The following AGBL4 variants were observed in gnomAD, a reference collection of about 807,000 sequenced individuals.
AGBL4 encodes cytosolic carboxypeptidase 6.
A neutral mutation model predicts 66.4 loss-of-function variants in AGBL4; 58 were observed. That is an observed-to-expected ratio of 0.87 (90% CI 0.71 to 1.09). The LOEUF (loss-of-function observed/expected upper bound fraction) is 1.09, where lower values mean the gene tolerates loss of function less well. Among genes scored for constraint, AGBL4 ranks in the 50% least tolerant of loss-of-function variants. The pLI, the probability that AGBL4 is intolerant of heterozygous loss-of-function variation, is 0.00. For synonymous variants in AGBL4, 234 were observed against 222.9 expected (o/e 1.05, Z -0.44); for missense variants, 579 against 631.0 (o/e 0.92, Z 0.88).
intron 3 of AGBL4, among the ~76,000 whole-genome samples, chr1:49,276,119 T>TAC (rs1644162502): frequency 6.6e-6 from 1 of 151,402 alleles, no homozygotes; most frequent in African/African-American, 2.4e-5. Context: ...TATACATATA[T>TAC]ATACACACAC....
chr1:49,819,395 G>A lies in AGBL4; in HGVS notation c.157+32001C>T, dbSNP rs115805837. 2.9e-3 allele frequency among the ~76,000 whole-genome samples: 434 copies of A among 152,074 alleles called. 3 individuals are homozygous for A. The highest frequency in any genetic ancestry group is 3.1e-3 in the Admixed American group (47 of 15,260). ...TATTAGCAACTTACAGAACAGTTACGCTATCTTCTATTAATTGTGTGAAAC... is the reference window on the plus strand; with the variant it reads ...TATTAGCAACTTACAGAACAGTTACACTATCTTCTATTAATTGTGTGAAAC... On this transcript the variant is annotated intron_variant, in intron 2 of 13. Coordinates refer to ENST00000371839, the MANE Select transcript of AGBL4 (RefSeq NM_032785.4).
chr1:48,600,531 A>G (rs537084020), intron 9 of AGBL4, among the ~76,000 whole-genome samples: 4 of 152,344 alleles, frequency 2.6e-5, no homozygotes, highest in Admixed American at 2.0e-4. Flanking sequence ...ACATGACACC[A>G]TAAAAGCTGT....
chr1:49,746,346 A>G (rs1650985312), intron 2 of AGBL4, among the ~76,000 whole-genome samples: 2 of 152,048 alleles, frequency 1.3e-5, no homozygotes, highest in African/African-American at 2.4e-5. Context: ...AATGATAACC[A>G]TCATATTCAT....
intron 4 of AGBL4, among the ~76,000 whole-genome samples, chr1:49,150,150 A>G (rs1418111864): frequency 1.3e-5 from 2 of 152,146 alleles, no homozygotes; most frequent in Non-Finnish European, 1.5e-5. Context: ...GGCCTTGGTG[A>G]GATCAGTGTA....
At chr1:49,828,531 T>C (rs367862130) in intron 2 of AGBL4, among the ~76,000 whole-genome samples, 1 of 152,198 alleles carries the variant, frequency 6.6e-6, no homozygotes, top group Non-Finnish European at 1.5e-5. Context: ...AAAGTCACTA[T>C]GGCTACAGCA....
chr1:49,125,703 A>C (rs921881342), intron 4 of AGBL4, among the ~76,000 whole-genome samples: 1 of 152,202 alleles, frequency 6.6e-6, no homozygotes, highest in Non-Finnish European at 1.5e-5. Flanking sequence ...TGTTCCTCAC[A>C]GTGATGCAAG....
At chr1:49,861,528 AT>A (rs1646572861) in intron 1 of AGBL4, among the ~76,000 whole-genome samples, 1 of 152,194 alleles carries the variant, frequency 6.6e-6, no homozygotes, top group Admixed American at 6.5e-5. Flanking sequence ...ACACCCTGGG[AT>A]TTTGTAGAGG....
chr1:49,601,185 G>A (rs551914866), intron 3 of AGBL4, among the ~76,000 whole-genome samples: 1 of 152,048 alleles, frequency 6.6e-6, no homozygotes, highest in South Asian at 2.1e-4. Flanking sequence ...GTCTTGCTAG[G>A]TTGGGATATT....
chr1:49,689,959 G>A (rs1369483606), intron 3 of AGBL4, among the ~76,000 whole-genome samples: 1 of 152,094 alleles, frequency 6.6e-6, no homozygotes, highest in African/African-American at 2.4e-5. Context: ...GTTAACTGAT[G>A]AAGTCAACTG....
chr1:49,934,935 T>A (rs975542826), intron 1 of AGBL4, among the ~76,000 whole-genome samples: 1 of 152,052 alleles, frequency 6.6e-6, no homozygotes, highest in Non-Finnish European at 1.5e-5. Context: ...CGCATTTCCA[T>A]CTGAGGCACC....
At chr1:49,389,158 G>A (rs568450349) in intron 3 of AGBL4, among the ~76,000 whole-genome samples, 58 of 152,126 alleles carry the variant, frequency 3.8e-4, no homozygotes, top group Non-Finnish European at 7.7e-4. Flanking sequence ...TTGTAGTGCT[G>A]TTACCTCCTT....
rs546898953 is a variant in AGBL4 at position 49,698,693 on chromosome 1, T to C, written c.158-1256A>G. ...GCACATTTTAAGTGGTAAGGCTTAA[T>C]AAAATTACTATTCTTAAAATAACAA... On this transcript the variant is annotated intron_variant, in intron 2 of 13. Transcript: ENST00000371839. Among the ~76,000 whole-genome samples the C allele has an allele frequency of 1.1e-3, 171 of 152,224 alleles. 1 individual carries two copies. The highest frequency in any genetic ancestry group is 4.0e-3 in the African/African-American group (168 of 41,568).
chr1:49,459,987 CA>C (rs1366602248), intron 3 of AGBL4, among the ~76,000 whole-genome samples: 1 of 151,492 alleles, frequency 6.6e-6, no homozygotes, highest in Non-Finnish European at 1.5e-5. Context: ...GTACTTGATA[CA>C]ATTTTGATTT....
intron 1 of AGBL4, among the ~76,000 whole-genome samples, chr1:49,942,712 T>C (rs1172517916): frequency 1.3e-5 from 2 of 152,134 alleles, no homozygotes; most frequent in Admixed American, 6.6e-5. Flanking sequence ...AAACATACAA[T>C]GTGAAACTGT....
intron 3 of AGBL4, among the ~76,000 whole-genome samples, chr1:49,430,845 T>C (rs1645770029): frequency 6.6e-6 from 1 of 152,212 alleles, no homozygotes; most frequent in Non-Finnish European, 1.5e-5. Flanking sequence ...ATGCCTGGCT[T>C]AGTTTTGCAT....
intron 3 of AGBL4, among the ~76,000 whole-genome samples, chr1:49,285,527 G>T (rs1215561419): frequency 6.6e-6 from 1 of 151,974 alleles, no homozygotes; most frequent in Admixed American, 6.6e-5. Flanking sequence ...AATCAGCGTA[G>T]AACAGAAGGA....
intron 3 of AGBL4, among the ~76,000 whole-genome samples, chr1:49,664,652 C>A (rs1008661342): frequency 4.1e-4 from 62 of 152,016 alleles, no homozygotes; most frequent in Non-Finnish European, 1.6e-4. Context: ...CATAATAACA[C>A]TTTTATTCCA....
chr1:49,261,969 T>A (rs1653220068), intron 3 of AGBL4, among the ~76,000 whole-genome samples: 1 of 150,466 alleles, frequency 6.6e-6, no homozygotes, highest in South Asian at 2.1e-4. Context: ...GAGATATAGA[T>A]CAATGGAACA....
intron 2 of AGBL4, among the ~76,000 whole-genome samples, chr1:49,744,237 G>C (rs186251424): frequency 6.6e-6 from 1 of 151,994 alleles, no homozygotes; most frequent in Non-Finnish European, 1.5e-5. Flanking sequence ...TTGTTCTCAT[G>C]ATAGTGAGTG....
Sources: allele counts gnomAD v4.1 joint callset (sites outside exome capture counted in the v4.1 genomes callset), GRCh38; gene constraint gnomAD v4.1.1; transcripts MANE v1.5; gene names NCBI Gene and HGNC (gene_info 2026-07-23, HGNC 2026-07-21).